APPL2: variants seen among roughly 807,000 people sequenced by gnomAD.
The protein encoded by APPL2 is DCC-interacting protein 13-beta.
In APPL2, 84 loss-of-function variants were observed where a neutral mutation model predicts 92.7. The ratio of observed to expected loss-of-function variants is 0.91; its 90% CI spans 0.76 to 1.09. The LOEUF is 1.09. Ranked by LOEUF, APPL2 falls within the 50% of genes least tolerant of loss-of-function variation. The probability of loss-of-function intolerance (pLI) is 0.00; values close to 1 mark genes in which losing one functional copy is unlikely to be tolerated. For missense variants in APPL2, 736 were observed against 824.5 expected, an observed-to-expected ratio of 0.89 and a Z score of 1.31; for synonymous variants, 291 against 291.0, an observed-to-expected ratio of 1.00 and a Z score of 0.00.
intron 1 of APPL2, chr12:105,229,647 C>A (rs1890774683): frequency 1.0e-6 from 1 of 992,298 alleles, no homozygotes; most frequent in South Asian, 4.5e-5. Context: ...GGTCATCTAG[C>A]ACAGCTGTAG....
In APPL2 at chr12:105,217,077, C is replaced by T. The variant is rs899673237; in HGVS notation, c.277G>A (p.Val93Met). The change falls in exon 4 of 21, where the codon GTG becomes ATG. Residue 93 changes from valine (V) to methionine (M), a missense_variant. Val to Met is a conservative substitution (Grantham distance 21). Transcript: ENST00000258530. Reference sequence around the variant, plus strand: ...CTATGTTGCTATCTTACCTCATCCACCACTTTGGAAAAATAGTGGAGTGTT... The same window carrying T: ...CTATGTTGCTATCTTACCTCATCCATCACTTTGGAAAAATAGTGGAGTGTT... The part of the protein sequence containing the change: ...ISTLHYFSKV[V>M]DELNLLHTEL... The T allele has an allele frequency of 1.2e-6, 2 of 1,608,186 alleles. No homozygotes were observed. The highest frequency in any genetic ancestry group is 1.3e-5 in the African/African-American group (1 of 74,948).
At chr12:105,195,131 T>C in intron 14 of APPL2, 130 bp downstream of exon 14, 1 of 855,612 alleles carries the variant, frequency 1.2e-6, no homozygotes, top group East Asian at 2.7e-5. Flanking sequence ...TTCCCAGCCA[T>C]CGTTACTGCT....
chr12:105,208,176 A>T lies in APPL2; in HGVS notation c.397T>A (p.Phe133Ile), dbSNP rs766421100. ...LTEVSTLKDL[F>I]GLASNEHDLS... ...TGCCTACCATTGCTAGCGAGTCCAA[A>T]TAGATCCTTTAAAGTGCTTACTTCT... Residue 133 changes from phenylalanine to isoleucine, a missense_variant, in exon 6 of 21, where the codon TTT becomes ATT. Transcript: ENST00000258530. 12 of 1,614,244 alleles carry T rather than the reference A, an allele frequency of 7.4e-6. No homozygotes were observed. The Middle Eastern group carries it at 4.9e-4, about 67-fold the overall frequency.
intron 2 of APPL2, among the ~76,000 whole-genome samples, chr12:105,226,102 A>G (rs1007309390): frequency 2.0e-5 from 3 of 152,266 alleles, no homozygotes; most frequent in African/African-American, 7.2e-5. Flanking sequence ...CCAAGAAAAC[A>G]TAACTTTAGG....
In APPL2 at chr12:105,174,266, G is replaced by A. The variant is rs1242073793; in HGVS notation, c.*48C>T. The A allele has an allele frequency of 1.6e-5, 25 of 1,602,492 alleles. No homozygotes were observed. The highest frequency in any genetic ancestry group is 2.1e-5 in the Non-Finnish European group (25 of 1,174,648). ...ATGTCAGAGACGTTAAAACCCTTAG[G>A]AGGTAGCTCTCCTTCCTGTTTGCTC... On this transcript the variant is annotated 3_prime_UTR_variant, in exon 21 of 21. Transcript: ENST00000258530.
At chr12:105,216,417 C>A (rs1889695816) in intron 4 of APPL2, among the ~76,000 whole-genome samples, 1 of 151,880 alleles carries the variant, frequency 6.6e-6, no homozygotes, top group South Asian at 2.1e-4. Flanking sequence ...TGACCCTCCC[C>A]TAAAAGATAT....
rs369697149 is a variant in APPL2, at chr12:105,208,039, A to G, written c.416-10T>C. The G allele has an allele frequency of 1.9e-6, 3 of 1,614,072 alleles. No individual in the cohort carries two copies. Among genetic ancestry groups the G allele is most frequent in the Non-Finnish European group, 2.5e-6 (3 of 1,180,014 alleles). On this transcript the variant is annotated splice_polypyrimidine_tract_variant and intron_variant, in intron 6 of 20. Coordinates refer to ENST00000258530, the MANE Select transcript of APPL2 (RefSeq NM_018171.5). ...ATTGAGAGGTCATGCTCTAAAAATAAACAGACATCTGAACACCCAGGAGGG... is the reference window on the plus strand; with the variant it reads ...ATTGAGAGGTCATGCTCTAAAAATAGACAGACATCTGAACACCCAGGAGGG...
rs56345779 is a variant in APPL2 at position 105,183,070 on chromosome 12, C to CTTTTTTTTTTTTTTTTT, written c.1634+5186_1634+5202dup. ...TCAGAGACTAGGATTGCAACCCCTGCTTTTTTTTTTTTTTTTTTTTTTGCT... is the reference window on the plus strand; with the variant it reads ...TCAGAGACTAGGATTGCAACCCCTGCTTTTTTTTTTTTTTTTTTTTTTTTTTTTTTTTTTTTTTTGCT... On this transcript the variant is annotated intron_variant, in intron 17 of 20. Transcript: ENST00000258530. 2.3e-5 allele frequency among the ~76,000 whole-genome samples: 2 copies of CTTTTTTTTTTTTTTTTT among 88,404 alleles called. 1 individual carries two copies. The highest frequency in any genetic ancestry group is 9.1e-5 in the African/African-American group (2 of 22,026). The allele number at this position is 88,404 out of a possible 152,430, so 58.0% of individuals were successfully genotyped here. A position where few individuals can be genotyped will look rare whatever the true frequency, so the allele number is the denominator to read the frequency against.
intron 4 of APPL2, 144 bp downstream of exon 4, chr12:105,216,925 G>T (rs1889739751): frequency 1.7e-6 from 1 of 605,980 alleles, no homozygotes; most frequent in Non-Finnish European, 2.9e-6. Context: ...ACCTCTCCTA[G>T]GAAAGGAGCT....
chr12:105,194,083 T>G, intron 14 of APPL2, among the ~76,000 whole-genome samples: 1 of 152,366 alleles, frequency 6.6e-6, no homozygotes, highest in Middle Eastern at 3.4e-3. Flanking sequence ...CTGAGTTTTC[T>G]AATGACTTCC....
At position 105,199,465 on chromosome 12, in the gene APPL2, A is replaced by AAC; in HGVS notation, c.769_770dup (p.Asp258LeufsTer65). ...AGTCTGGAGTGTAAACAGATTCATC[A>AAC]ACAGAAAGTAATTCTTGCTGGGACA... On this transcript the variant is annotated frameshift_variant, in exon 10 of 21. Coordinates refer to ENST00000258530, the MANE Select transcript of APPL2 (RefSeq NM_018171.5). LOFTEE classifies it high-confidence loss of function. 1 of 1,614,156 alleles carries AAC rather than the reference A, an allele frequency of 6.2e-7. No individual in the cohort carries two copies. Among genetic ancestry groups the AAC allele is most frequent in the Non-Finnish European group, 8.5e-7 (1 of 1,180,028 alleles).
chr12:105,186,372 C>G (rs986647078), intron 17 of APPL2, among the ~76,000 whole-genome samples: 1 of 151,986 alleles, frequency 6.6e-6, no homozygotes, highest in South Asian at 2.1e-4. Flanking sequence ...TTTTGTTGAT[C>G]CATTCATTTG....
chr12:105,175,900 AAT>A, intron 20 of APPL2, 133 bp downstream of exon 20: 1 of 790,090 alleles, frequency 1.3e-6, no homozygotes, highest in South Asian at 2.0e-5. Context: ...TGGTGGTTAG[AAT>A]ACTTTTAAAA....
At chr12:105,200,794 C>T (rs1376589926) in intron 9 of APPL2, among the ~76,000 whole-genome samples, 3 of 152,110 alleles carry the variant, frequency 2.0e-5, no homozygotes, top group South Asian at 2.1e-4. Flanking sequence ...AGGTAAGGAA[C>T]GTTGGGCTTG....
chr12:105,211,180 G>A (rs1889180972), intron 5 of APPL2, 50 bp downstream of exon 5: 2 of 1,211,280 alleles, frequency 1.7e-6, no homozygotes, highest in Non-Finnish European at 2.4e-6. Context: ...ATTATGAAAT[G>A]CATTACACAA....
At chr12:105,235,283 T>A (rs1459556824) in intron 1 of APPL2, 3 of 152,224 alleles carry the variant, frequency 2.0e-5, no homozygotes, top group African/African-American at 7.2e-5. Context: ...CCAGTTTTCA[T>A]CTGCAGAGCT....
intron 17 of APPL2, among the ~76,000 whole-genome samples, chr12:105,187,861 A>G (rs898807491): frequency 3.3e-5 from 5 of 152,170 alleles, no homozygotes; most frequent in Non-Finnish European, 5.9e-5. Flanking sequence ...TACCTGAAAC[A>G]CTAAATCATG....
intron 11 of APPL2, 141 bp from the exon 12 acceptor site, chr12:105,195,768 TC>T: frequency 1.1e-6 from 1 of 914,944 alleles, no homozygotes; most frequent in Non-Finnish European, 1.7e-6. Context: ...AAAATGGGGT[TC>T]CAGGGCCAGG....
In APPL2 at chr12:105,177,752, T is replaced by A. The variant is rs191829869; in HGVS notation, c.1635-490A>T. 1.9e-3 allele frequency among the ~76,000 whole-genome samples: 287 copies of A among 152,306 alleles called. 3 individuals are homozygous for A. The highest frequency in any genetic ancestry group is 0.011 in the East Asian group (58 of 5,192). On this transcript the variant is annotated intron_variant, in intron 17 of 20. Transcript: ENST00000258530. ...CAATTTGGGTAAAAGAGGAATAATG[T>A]TTAAGAAAGTATTCCAAAATATATT...
Sources: gnomAD v4.1 joint callset for allele counts (sites outside exome capture counted in the v4.1 genomes callset) on GRCh38, gnomAD v4.1.1 for gene constraint, MANE v1.5 for transcripts, NCBI Gene and HGNC (gene_info 2026-07-23, HGNC 2026-07-21) for gene names.